SIDT1: variants seen among roughly 807,000 people sequenced by gnomAD.
The protein encoded by SIDT1 is SID1 transmembrane family, member 1.
A neutral mutation model predicts 107.5 loss-of-function variants in SIDT1; 101 were observed. That is an observed-to-expected ratio of 0.94 (90% confidence interval 0.80 to 1.11). The LOEUF is 1.11. SIDT1 is among the 50% of genes least tolerant of loss of function. The pLI is 0.00. For missense variants in SIDT1, 1,076 were observed against 1,058.2 expected (o/e 1.02, Z -0.23); for synonymous variants, 395 against 398.2 (o/e 0.99, Z 0.10).
chr3:113,570,142 C>T (rs753346421), intron 3 of SIDT1, among the ~76,000 whole-genome samples: 24 of 152,230 alleles, frequency 1.6e-4, no homozygotes, highest in Middle Eastern at 3.4e-3. Context: ...TGGGCTCAAG[C>T]GATCCACCCG....
chr3:113,635,051 A>G, the SIDT1 span, among the ~76,000 whole-genome samples: 2 of 152,240 alleles, frequency 1.3e-5, no homozygotes, highest in Non-Finnish European at 2.9e-5. Context: ...CAATGATTGC[A>G]CTTGGCAAAG....
At chr3:113,558,657 T>G (rs572573144) in intron 1 of SIDT1, among the ~76,000 whole-genome samples, 4 of 152,292 alleles carry the variant, frequency 2.6e-5, no homozygotes, top group African/African-American at 9.6e-5. Context: ...CCCATCCATG[T>G]CACCTTCATA....
rs895083140 is a variant in SIDT1, at chr3:113,602,837, G to C, written c.1118-168G>C. ...AAACAGGAGAAGAGGAAAAATAAAAGTCCATTGAGAAGGAATAGAGAGAAA... is the reference window on the plus strand; with the variant it reads ...AAACAGGAGAAGAGGAAAAATAAAACTCCATTGAGAAGGAATAGAGAGAAA... On this transcript the variant is annotated intron_variant, in intron 11 of 24. Coordinates refer to ENST00000264852, the MANE Select transcript of SIDT1 (RefSeq NM_017699.3). 6 of 567,892 alleles carry C rather than the reference G, an allele frequency of 1.1e-5. No homozygotes were observed. In the Admixed American group the frequency reaches 1.2e-4, roughly 11 times the overall value. The allele number at this position is 567,892 out of a possible 1,614,324, so 35.2% of individuals were successfully genotyped here.
intron 1 of SIDT1, among the ~76,000 whole-genome samples, chr3:113,539,060 A>G (rs894300929): frequency 6.6e-5 from 10 of 151,996 alleles, no homozygotes; most frequent in African/African-American, 2.4e-4. Context: ...GGGAAACTTC[A>G]CCTTGTGGGC....
intron 21 of SIDT1, among the ~76,000 whole-genome samples, chr3:113,621,450 A>G (rs943114152): frequency 3.4e-5 from 5 of 147,600 alleles, no homozygotes; most frequent in African/African-American, 1.0e-4. Context: ...AAAAAAAAGA[A>G]AAAAAAAAAG....
At chr3:113,615,071 G>C in intron 19 of SIDT1, 1 of 1,535,542 alleles carries the variant, frequency 6.5e-7, no homozygotes, top group South Asian at 1.2e-5. Flanking sequence ...AGATGTGTCT[G>C]ACACAGGTAA....
intron 1 of SIDT1, among the ~76,000 whole-genome samples, chr3:113,534,340 A>G (rs1245306161): frequency 6.6e-6 from 1 of 152,168 alleles, no homozygotes; most frequent in Non-Finnish European, 1.5e-5. Flanking sequence ...CAATGTGCCT[A>G]ACACTGCTCC....
rs572390640 is a variant in SIDT1, at chr3:113,629,241, A to C, written c.*1533A>C. 1 of 152,354 alleles carries C rather than the reference A, an allele frequency of 6.6e-6. No homozygotes were observed. The highest frequency in any genetic ancestry group is 2.1e-4 in the South Asian group (1 of 4,834). The allele number at this position is 152,354 out of a possible 1,614,324, so 9.4% of individuals were successfully genotyped here. A position where few individuals can be genotyped will look rare whatever the true frequency, so the allele number is the denominator to read the frequency against. On this transcript the variant is annotated 3_prime_UTR_variant, in exon 25 of 25. Coordinates refer to ENST00000264852, the MANE Select transcript of SIDT1 (RefSeq NM_017699.3). ...ATTTTAAAAACACAAAGTTGCTTTC[A>C]ATGAAATATTTTGTGATTTTTTTAA...
intron 1 of SIDT1, among the ~76,000 whole-genome samples, chr3:113,566,004 C>A (rs560711923): frequency 6.6e-6 from 1 of 152,108 alleles, no homozygotes; most frequent in South Asian, 2.1e-4. Context: ...AAAGCACATC[C>A]GTATCCTTCT....
intron 1 of SIDT1, among the ~76,000 whole-genome samples, chr3:113,549,687 C>G (rs1342383399): frequency 6.6e-6 from 1 of 152,156 alleles, no homozygotes; most frequent in Non-Finnish European, 1.5e-5. Context: ...TTCTCCCTGT[C>G]TGAGCCTTGC....
chr3:113,610,341 TC>T (rs1264696900), intron 17 of SIDT1, among the ~76,000 whole-genome samples: 2 of 152,220 alleles, frequency 1.3e-5, no homozygotes, highest in Admixed American at 1.3e-4. Flanking sequence ...GAGCATTAAT[TC>T]CCATTCCCAA....
At chr3:113,621,983 A>C (rs1477149123) in intron 21 of SIDT1, among the ~76,000 whole-genome samples, 1 of 152,174 alleles carries the variant, frequency 6.6e-6, no homozygotes, top group Non-Finnish European at 1.5e-5. Flanking sequence ...GTGGCTACCA[A>C]ATGGAACAGT....
chr3:113,625,287 C>T (rs1241047308), intron 23 of SIDT1, among the ~76,000 whole-genome samples: 12 of 152,068 alleles, frequency 7.9e-5, no homozygotes, highest in Non-Finnish European at 1.8e-4. Context: ...CAGGCGCCCA[C>T]CACCGTGCCC....
chr3:113,627,474 G>A (rs901188789), intron 24 of SIDT1, among the ~76,000 whole-genome samples, 172 bp from the exon 25 acceptor site: 1 of 152,212 alleles, frequency 6.6e-6, no homozygotes. Context: ...CAAATGAATT[G>A]TATAATTATA....
intron 17 of SIDT1, among the ~76,000 whole-genome samples, chr3:113,609,779 T>C (rs1386993335): frequency 6.6e-6 from 1 of 152,200 alleles, no homozygotes; most frequent in Non-Finnish European, 1.5e-5. Context: ...GAGAATGATA[T>C]CATTCACCAC....
At chr3:113,540,616 G>T (rs1422125834) in intron 1 of SIDT1, among the ~76,000 whole-genome samples, 1 of 152,062 alleles carries the variant, frequency 6.6e-6, no homozygotes, top group African/African-American at 2.4e-5. Flanking sequence ...TTTAGATATT[G>T]CATCTTAATT....
chr3:113,587,373 G>A (rs1943817542), intron 9 of SIDT1, among the ~76,000 whole-genome samples: 1 of 152,090 alleles, frequency 6.6e-6, no homozygotes, highest in African/African-American at 2.4e-5. Context: ...TCAAATACAA[G>A]TTAAAAACAA....
the SIDT1 span, among the ~76,000 whole-genome samples, chr3:113,636,254 A>T: frequency 9.9e-5 from 15 of 152,008 alleles, no homozygotes; most frequent in Non-Finnish European, 1.8e-4. Context: ...AAAATATATA[A>T]TTAGCTCGTG....
At chr3:113,631,580 G>A (rs891371737), downstream of SIDT1, among the ~76,000 whole-genome samples, 3 of 152,116 alleles carry the variant, frequency 2.0e-5, no homozygotes, top group African/African-American at 7.2e-5. Context: ...TCCTCAATAC[G>A]AAGGCACCTT....
Sources: allele counts gnomAD v4.1 joint callset (sites outside exome capture counted in the v4.1 genomes callset), GRCh38; gene constraint gnomAD v4.1.1; transcripts MANE v1.5; gene names NCBI Gene and HGNC (gene_info 2026-07-23, HGNC 2026-07-21).